The following KDM6B variants were observed in gnomAD, a reference collection of about 807,000 sequenced individuals.
KDM6B encodes the protein lysine-specific demethylase 6B.
A neutral mutation model predicts 150.4 loss-of-function variants in KDM6B; 22 were observed. The ratio of observed to expected loss-of-function variants is 0.15; its 90% confidence interval spans 0.10 to 0.21. The LOEUF is 0.21. KDM6B is among the 10% of genes least tolerant of loss of function. The probability of loss-of-function intolerance (pLI) is 1.00; values close to 1 mark genes in which losing one functional copy is unlikely to be tolerated. For missense variants in KDM6B, 1,984 were observed against 2,234.3 expected, an observed-to-expected ratio of 0.89 and a Z score of 2.26; for synonymous variants, 1,148 against 921.1, an observed-to-expected ratio of 1.25 and a Z score of -4.46.
At position 7,848,215 on chromosome 17, in the gene KDM6B, G is replaced by T. The variant is rs1156410881; in HGVS notation, c.1927G>T (p.Gly643Trp). ...CCCAAAGACCCCCGAGGTGGGGCCGGGGCCACCCCCAGGCCCCCTGAGTAA... is the reference window on the plus strand; with the variant it reads ...CCCAAAGACCCCCGAGGTGGGGCCGTGGCCACCCCCAGGCCCCCTGAGTAA... ...SFPKTPEVGP[G>W]PPPGPLSKAP... Residue 643 changes from glycine (G) to tryptophan (W), a missense_variant, in exon 12 of 24, where the codon GGG (glycine) becomes TGG (tryptophan). This residue lies in a region of KDM6B where 1,379 missense variants were observed against 1,275.6 expected (regional missense o/e 1.08). Coordinates refer to ENST00000448097, the MANE Select transcript of KDM6B (RefSeq NM_001348716.2). 1.9e-6 allele frequency: 3 copies of T among 1,610,896 alleles called. No individual in the cohort carries two copies. Among genetic ancestry groups the T allele is most frequent in the Non-Finnish European group, 1.7e-6 (2 of 1,178,700 alleles).
chr17:7,839,585 T>C (rs1324074883), intron 1 of KDM6B, among the ~76,000 whole-genome samples: 1 of 152,072 alleles, frequency 6.6e-6, no homozygotes, highest in Non-Finnish European at 1.5e-5. Flanking sequence ...TGTGTACAGA[T>C]GTCAGGGCAG....
At position 7,846,920 on chromosome 17, in the gene KDM6B, C is replaced by A; in HGVS notation, c.813C>A (p.Ser271Arg). 1 of 1,540,448 alleles carries A rather than the reference C, an allele frequency of 6.5e-7. No homozygotes were observed. Among genetic ancestry groups the A allele is most frequent in the Non-Finnish European group, 8.8e-7 (1 of 1,133,080 alleles). Residue 271 changes from serine (S) to arginine (R), a missense_variant, in exon 10 of 24, where the codon AGC becomes AGA. Coordinates refer to ENST00000448097, the MANE Select transcript of KDM6B (RefSeq NM_001348716.2). Reference protein sequence around the residue: ...PPPPLPGLATSPPFQLTKPGL... With the variant: ...PPPPLPGLATRPPFQLTKPGL... ...CACCCCTGCCTGGCCTGGCTACCAG[C>A]CCCCCATTTCAGCTAACCAAGCCAG...
chr17:7,850,290 C>G (rs989552918), intron 14 of KDM6B, 113 bp downstream of exon 14: 15 of 818,142 alleles, frequency 1.8e-5, no homozygotes, highest in Non-Finnish European at 2.8e-5. Context: ...GAGGAGTCCA[C>G]TGAGTGATGG....
At position 7,847,655 on chromosome 17, in the gene KDM6B, C is replaced by T. The variant is rs2078585343; in HGVS notation, c.1367C>T (p.Thr456Ile). The stretch of plus-strand genomic sequence containing the variant: ...CCGTTCTTGGGGGCTCCCGCTGCCA[C>T]TCCCCACCTATCCCTGCCACCTGGA... ...RKPFLGAPAA[T>I]PHLSLPPGPS... Residue 456 changes from threonine (T) to isoleucine (I), a missense_variant, in exon 12 of 24, where the codon ACT becomes ATT. This residue lies in a region of KDM6B where 1,379 missense variants were observed against 1,275.6 expected (regional missense o/e 1.08). Coordinates refer to ENST00000448097, the MANE Select transcript of KDM6B (RefSeq NM_001348716.2). 6.2e-7 allele frequency: 1 copy of T among 1,609,856 alleles called. No individual in the cohort carries two copies. Among genetic ancestry groups the T allele is most frequent in the South Asian group, 1.1e-5 (1 of 90,784 alleles).
intron 1 of KDM6B, among the ~76,000 whole-genome samples, chr17:7,836,379 C>T (rs1044080462): frequency 5.3e-5 from 8 of 152,258 alleles, no homozygotes; most frequent in Non-Finnish European, 1.0e-4. Context: ...CTTCCTCTCG[C>T]CGTGTCCTGG....
rs749943251 is a variant in KDM6B, at chr17:7,846,146, G to C, written c.305G>C (p.Arg102Pro). 1.3e-6 allele frequency: 2 copies of C among 1,595,416 alleles called. No individual in the cohort carries two copies. Among genetic ancestry groups the C allele is most frequent in the Non-Finnish European group, 1.7e-6 (2 of 1,168,798 alleles). ...CATGGCTGTGTGCAGGCATTGCTCCGGGAGCCAGCCCAGCCAGGGCTTTGG... is the reference window on the plus strand; with the variant it reads ...CATGGCTGTGTGCAGGCATTGCTCCCGGAGCCAGCCCAGCCAGGGCTTTGG... Reference protein sequence around the residue: ...SLHGCVQALLREPAQPGLWEQ... With the variant: ...SLHGCVQALLPEPAQPGLWEQ... The change falls in exon 7 of 24, where the codon CGG becomes CCG. Residue 102 changes from arginine to proline, a missense_variant. Coordinates refer to ENST00000448097, the MANE Select transcript of KDM6B (RefSeq NM_001348716.2).
In KDM6B at chr17:7,845,947, C is replaced by G. The variant is rs545379122; in HGVS notation, c.213C>G (p.Pro71=). The G allele has an allele frequency of 1.9e-6, 3 of 1,614,018 alleles. No individual in the cohort carries two copies. The African/African-American group carries it at 4.0e-5, about 22-fold the overall frequency. Residue 71 remains proline, a synonymous_variant, in exon 6 of 24, where the codon CCC becomes CCG. Coordinates refer to ENST00000448097, the MANE Select transcript of KDM6B (RefSeq NM_001348716.2). The stretch of plus-strand genomic sequence containing the variant: ...CACATGGCAGTAGTTCTGGGCACCC[C>G]AGCAAACCATATTATGCTCCAGGGT... ...PPSHGSSSGH[P]SKPYYAPGAP...
At position 7,846,112 on chromosome 17, in the gene KDM6B, G is replaced by C. The variant is rs745937674; in HGVS notation, c.271G>C (p.Glu91Gln). ...PTPRPLHGKL[E>Q]SLHGCVQALL... ...TCCAAGACCCCTCCATGGGAAGCTG[G>C]AATCCCTGCATGGCTGTGTGCAGGC... is the stretch of plus-strand genomic sequence containing the variant. Residue 91 changes from glutamate (E) to glutamine (Q), a missense_variant, in exon 7 of 24, where the codon GAA becomes CAA. Physicochemically the swap from Glu to Gln is conservative, Grantham distance 29. Around this residue, in one of 13 missense-constraint regions of KDM6B, gnomAD observed 337 missense variants for 323.9 expected, o/e 1.04. Coordinates refer to ENST00000448097, the MANE Select transcript of KDM6B (RefSeq NM_001348716.2). 2.5e-6 allele frequency: 4 copies of C among 1,613,342 alleles called. No individual in the cohort carries two copies. The highest frequency in any genetic ancestry group is 3.4e-6 in the Non-Finnish European group (4 of 1,179,802).
In KDM6B at chr17:7,849,303, C is replaced by T. The variant is rs760225790; in HGVS notation, c.3015C>T (p.Ala1005=). The T allele has an allele frequency of 3.7e-5, 57 of 1,558,820 alleles. No homozygotes were observed. Among genetic ancestry groups the T allele is most frequent in the Non-Finnish European group, 4.9e-5 (56 of 1,151,402 alleles). Residue 1005 remains alanine (A), a synonymous_variant, in exon 12 of 24, where the codon GCC becomes GCT. Transcript: ENST00000448097. ...GGCCCCGTGAGGGCAGGGCAAAGGC[C>T]AAGGCCAAGGTCCCCAAAGAAAAGA... is the stretch of plus-strand genomic sequence containing the variant. ...GRRPREGRAK[A]KAKVPKEKSR... is the part of the protein sequence containing the mutation.
At chr17:7,842,675 A>G (rs1440769729) in intron 2 of KDM6B, among the ~76,000 whole-genome samples, 3 of 151,930 alleles carry the variant, frequency 2.0e-5, no homozygotes, top group Non-Finnish European at 4.4e-5. Flanking sequence ...GGGGAAGACG[A>G]GAGGGGAAAT....
rs1477250226 is a variant in KDM6B, at chr17:7,848,061, ACAGAACCCC to A, written c.1777_1785del (p.Asn593_Gln595del). ...CCCTTCCCCGGCCTCCCAGCCCAGC[ACAGAACCCC>A]CAGGACCCACCTCTTGTACCCCTGA... On this transcript the variant is annotated inframe_deletion, in exon 12 of 24. Transcript: ENST00000448097. The A allele has an allele frequency of 6.2e-7, 1 of 1,604,466 alleles. No individual in the cohort carries two copies. The highest frequency in any genetic ancestry group is 2.2e-5 in the East Asian group (1 of 44,592).
Position 7,848,566 on chromosome 17 carries a change from A to G in KDM6B, c.2278A>G (p.Thr760Ala). 4 of 1,537,484 alleles carry G rather than the reference A, an allele frequency of 2.6e-6. No homozygotes were observed. The highest frequency in any genetic ancestry group is 3.5e-6 in the Non-Finnish European group (4 of 1,142,322). ...CACCACCACCACCACCACCACCACC[A>G]CCACCACGGCCACCCAGGAAGAGGA... is the stretch of plus-strand genomic sequence containing the variant. ...AVTTTTTTTT[T>A]TTATQEEEKK... The change falls in exon 12 of 24, where the codon ACC becomes GCC. Residue 760 changes from threonine (T) to alanine (A), a missense_variant. Thr to Ala is a moderately conservative substitution (Grantham distance 58). This residue lies in a region of KDM6B where 1,379 missense variants were observed against 1,275.6 expected (regional missense o/e 1.08). Transcript: ENST00000448097.
intron 18 of KDM6B, 48 bp from the exon 19 acceptor site, chr17:7,851,903 C>G (rs143574901): frequency 2.2e-5 from 36 of 1,604,548 alleles, no homozygotes; most frequent in Non-Finnish European, 3.1e-5. Flanking sequence ...TATCGGGGAT[C>G]GCAGTTCCGA....
chr17:7,846,371 G>GGGGGGGGCCCGGGGGCCCCCCCCCC, intron 7 of KDM6B, 29 bp from the exon 8 acceptor site: 1 of 1,488,926 alleles, frequency 6.7e-7, no homozygotes, highest in Non-Finnish European at 9.2e-7. Flanking sequence ...CCTGACATCT[G>GGGGGGGGCCCGGGGGCCCCCCCCCC]CCCCTGCCCC....
chr17:7,839,295 G>GCA (rs1253729400), intron 1 of KDM6B, among the ~76,000 whole-genome samples: 5 of 152,166 alleles, frequency 3.3e-5, no homozygotes, highest in Non-Finnish European at 7.3e-5. Context: ...TATTGCCTTG[G>GCA]GGTTGGCAGG....
rs774089170 is a variant in KDM6B at position 7,849,954 on chromosome 17, G to A, written c.3567+7G>A. The stretch of plus-strand genomic sequence containing the variant: ...CCCTACACCCAGCATCTATGTATGT[G>A]TGCCACTTGGCCTCAGAACCACCCC... On this transcript the variant is annotated splice_region_variant and intron_variant, in intron 13 of 23. Transcript: ENST00000448097. The A allele has an allele frequency of 1.2e-6, 2 of 1,613,524 alleles. No homozygotes were observed. Among genetic ancestry groups the A allele is most frequent in the Admixed American group, 3.3e-5 (2 of 60,008 alleles).
At position 7,853,680 on chromosome 17, in the gene KDM6B, AC is replaced by A; in HGVS notation, c.*160del. 2 of 360,264 alleles carry A rather than the reference AC, an allele frequency of 5.6e-6. No individual in the cohort carries two copies. Among genetic ancestry groups the A allele is most frequent in the East Asian group, 4.8e-5 (1 of 20,796 alleles). 22.3% of individuals were successfully genotyped at this position (360,264 alleles called of 1,614,324 possible). A position where few individuals can be genotyped will look rare whatever the true frequency, so the allele number is the denominator to read the frequency against. ...CCCCTCACTTAATTTATTAAGAAAAACTTTTTTTTTTTTTTTAGCAAATATG... is the reference window on the plus strand; with the variant it reads ...CCCCTCACTTAATTTATTAAGAAAAATTTTTTTTTTTTTTTAGCAAATATG... On this transcript the variant is annotated 3_prime_UTR_variant, in exon 24 of 24. Coordinates refer to ENST00000448097, the MANE Select transcript of KDM6B (RefSeq NM_001348716.2).
At position 7,851,130 on chromosome 17, in the gene KDM6B, C is replaced by G; in HGVS notation, c.3783C>G (p.Gly1261=). Residue 1261 remains glycine, a synonymous_variant, in exon 15 of 24, where the codon GGC becomes GGG. Transcript: ENST00000448097. ...QPSDENWDLT[G]TRQIWPCESS... is the part of the protein sequence containing the mutation. The stretch of plus-strand genomic sequence containing the variant: ...CAGATGAGAACTGGGATCTGACAGG[C>G]ACTCGGCAGATCTGGCCTTGTGAGA... 6.2e-7 allele frequency: 1 copy of G among 1,613,834 alleles called. No individual in the cohort carries two copies. The highest frequency in any genetic ancestry group is 8.5e-7 in the Non-Finnish European group (1 of 1,180,022).
rs1285647463 is a variant in KDM6B, at chr17:7,844,016, T to A, written c.-268-885T>A. ...GGTGGTGAGAGTGGGACAAGGGTGATGTCACTGCCTGTCGGGCCCCGCCCT... is the reference window on the plus strand; with the variant it reads ...GGTGGTGAGAGTGGGACAAGGGTGAAGTCACTGCCTGTCGGGCCCCGCCCT... On this transcript the variant is annotated intron_variant, in intron 2 of 23. Coordinates refer to ENST00000448097, the MANE Select transcript of KDM6B (RefSeq NM_001348716.2). This position sits in a 1 kb window ranked among gnomAD's most constrained non-coding sequence, Gnocchi z 5.9. 6.6e-6 allele frequency among the ~76,000 whole-genome samples: 1 copy of A among 150,628 alleles called. No individual in the cohort carries two copies. The highest frequency in any genetic ancestry group is 1.5e-5 in the Non-Finnish European group (1 of 67,680).
Sources: allele counts gnomAD v4.1 joint callset (sites outside exome capture counted in the v4.1 genomes callset), GRCh38; gene constraint gnomAD v4.1.1; regional missense constraint gnomAD v4.1.1; non-coding constraint Gnocchi (gnomAD v3.1); transcripts MANE v1.5; gene names NCBI Gene and HGNC (gene_info 2026-07-23, HGNC 2026-07-21).